The following DSCAML1 variants were observed in gnomAD, a reference collection of about 807,000 sequenced individuals.
DSCAML1 encodes the protein cell adhesion molecule DSCAML1.
A neutral mutation model predicts 200.5 loss-of-function variants in DSCAML1; 38 were observed. The ratio of observed to expected loss-of-function variants is 0.19; its 90% CI spans 0.15 to 0.25. DSCAML1 has a LOEUF of 0.25. DSCAML1 is among the 10% of genes least tolerant of loss of function. DSCAML1 has a pLI of 1.00. For synonymous variants in DSCAML1, 1,215 were observed against 1,165.0 expected (o/e 1.04, Z -0.87); for missense variants, 2,223 against 2,858.8 (o/e 0.78, Z 5.07).
chr11:117,481,036 G>A, intron 13 of DSCAML1, 138 bp downstream of exon 13: 1 of 796,930 alleles, frequency 1.3e-6, no homozygotes, highest in Admixed American at 2.3e-5. Flanking sequence ...GGTGGAGGGA[G>A]GCTTTTCCCC....
Position 117,780,935 on chromosome 11 carries a change from C to T in DSCAML1, c.47-125G>A. On this transcript the variant is annotated intron_variant, in intron 1 of 32. Transcript: ENST00000651296. The surrounding 1 kb of genome is among the most constrained non-coding windows in gnomAD (Gnocchi z 4.8). ...CTTCAAGCATCAGTCATTCAGTATG[C>T]ACTTATTGAGCACTGACTATACACC... 2.8e-6 allele frequency: 2 copies of T among 707,384 alleles called. No homozygotes were observed. The highest frequency in any genetic ancestry group is 4.2e-5 in the Admixed American group (1 of 24,070). The allele number at this position is 707,384 out of a possible 1,614,324, so 43.8% of individuals were successfully genotyped here.
chr11:117,589,441 T>G (rs1035726554), intron 3 of DSCAML1, among the ~76,000 whole-genome samples: 1 of 152,216 alleles, frequency 6.6e-6, no homozygotes, highest in Middle Eastern at 3.2e-3. Context: ...GTGTTTTCAT[T>G]AATATAAATT....
At chr11:117,528,937 C>G (rs952034018) in intron 4 of DSCAML1, among the ~76,000 whole-genome samples, 1 of 151,038 alleles carries the variant, frequency 6.6e-6, no homozygotes, top group Admixed American at 6.6e-5. Context: ...CCCCCGCCCC[C>G]CCCCTTGGGA....
chr11:117,545,407 G>T (rs1176355546), intron 3 of DSCAML1, among the ~76,000 whole-genome samples: 1 of 152,192 alleles, frequency 6.6e-6, no homozygotes, highest in East Asian at 1.9e-4. Context: ...AGAACTGTAA[G>T]AAAGAAATTT....
Position 117,769,548 on chromosome 11 carries a change from TTATA to T in DSCAML1, c.511+7239_511+7242del, listed in dbSNP as rs1410853117. On this transcript the variant is annotated intron_variant, in intron 3 of 32. Transcript: ENST00000651296. Reference sequence around the variant, plus strand: ...ATATATTTTATATATATTATATATTTTATATATATATTTTATATATATTATATAT... The same window carrying T: ...ATATATTTTATATATATTATATATTTTATATATTTTATATATATTATATAT... 8.2e-3 allele frequency among the ~76,000 whole-genome samples: 18 copies of T among 2,206 alleles called. 3 individuals carry two copies. The Admixed American group carries it at 0.17, about 21-fold the overall frequency. 1.4% of individuals were successfully genotyped at this position (2,206 alleles called of 152,430 possible).
In DSCAML1 at chr11:117,478,876, C is replaced by T. The variant is rs117850882; in HGVS notation, c.2785+1567G>A. Reference sequence around the variant, plus strand: ...TTCCTGGACAACCCCTGTTGGCTGACGCCCCTCCTTGGATCTGTAGCCCTC... The same window carrying T: ...TTCCTGGACAACCCCTGTTGGCTGATGCCCCTCCTTGGATCTGTAGCCCTC... On this transcript the variant is annotated intron_variant, in intron 14 of 32. Transcript: ENST00000651296. 3.6e-3 allele frequency among the ~76,000 whole-genome samples: 544 copies of T among 152,364 alleles called. 8 individuals are homozygous for T. Among genetic ancestry groups the T allele is most frequent in the Admixed American group, 0.023 (355 of 15,308 alleles).
intron 3 of DSCAML1, among the ~76,000 whole-genome samples, chr11:117,621,855 A>C (rs1286639675): frequency 6.6e-6 from 1 of 152,244 alleles, no homozygotes; most frequent in Non-Finnish European, 1.5e-5. Flanking sequence ...TGTTGTGGGT[A>C]AGGTATGTAG....
intron 18 of DSCAML1, among the ~76,000 whole-genome samples, chr11:117,460,155 A>G (rs1304986914): frequency 6.6e-6 from 1 of 152,254 alleles, no homozygotes; most frequent in Non-Finnish European, 1.5e-5. Context: ...GAGTTCTGGA[A>G]AACAGGGAAC....
chr11:117,597,859 T>C (rs1222317106), intron 3 of DSCAML1, among the ~76,000 whole-genome samples: 1 of 151,756 alleles, frequency 6.6e-6, no homozygotes, highest in Non-Finnish European at 1.5e-5. Context: ...TTCAGAATCA[T>C]CCAGAACTCA....
Position 117,633,131 on chromosome 11 carries a change from G to A in DSCAML1, c.512-100609C>T, listed in dbSNP as rs542765674. Among the ~76,000 whole-genome samples, 10 of 152,168 alleles carry A rather than the reference G, an allele frequency of 6.6e-5. No homozygotes were observed. In the South Asian group the frequency reaches 1.9e-3, roughly 29 times the overall value. ...TTTCTCTGTCATCTGGAATTTGGGG[G>A]TGACAACTCCACTGAGAAGGGTGGT... is the stretch of plus-strand genomic sequence containing the variant. On this transcript the variant is annotated intron_variant, in intron 3 of 32. Transcript: ENST00000651296.
In DSCAML1 at chr11:117,780,686, A is replaced by T; in HGVS notation, c.171T>A (p.Leu57=). Residue 57 remains leucine, a synonymous_variant, in exon 2 of 33, where the codon CTT becomes CTA. Coordinates refer to ENST00000651296, the MANE Select transcript of DSCAML1 (RefSeq NM_020693.4). The surrounding 1 kb of genome is among the most constrained non-coding windows in gnomAD (Gnocchi z 4.8). The part of the protein sequence containing the change: ...CPAAGSPSAA[L]RWYLATGDDI... ...CGTCCCCTGTGGCCAGGTACCATCG[A>T]AGGGCCGCGCTGGGGGAGCCCGCGG... 6.3e-7 allele frequency: 1 copy of T among 1,592,692 alleles called. No homozygotes were observed.
chr11:117,513,000 CG>C (rs1375950878), intron 8 of DSCAML1, among the ~76,000 whole-genome samples: 2 of 152,162 alleles, frequency 1.3e-5, no homozygotes, highest in Non-Finnish European at 2.9e-5. Flanking sequence ...CTCTGAGGCC[CG>C]CTGCACCCGT....
At chr11:117,622,844 G>T (rs1000007282) in intron 3 of DSCAML1, among the ~76,000 whole-genome samples, 2 of 152,108 alleles carry the variant, frequency 1.3e-5, no homozygotes, top group African/African-American at 4.8e-5. Context: ...AGGATCCTAC[G>T]GGTAACAGAT....
In DSCAML1 at chr11:117,482,203, G is replaced by A. The variant is rs760035481; in HGVS notation, c.2360-41C>T. The A allele has an allele frequency of 6.2e-6, 10 of 1,609,320 alleles. No individual in the cohort carries two copies. The East Asian group carries it at 2.2e-4, about 36-fold the overall frequency. On this transcript the variant is annotated intron_variant, in intron 11 of 32. Coordinates refer to ENST00000651296, the MANE Select transcript of DSCAML1 (RefSeq NM_020693.4). ...AGAGAAGGCCCAGTGAAGGTCGGGAGACCAGCCTGGAGGAGGCACGCGTGC... is the reference window on the plus strand; with the variant it reads ...AGAGAAGGCCCAGTGAAGGTCGGGAAACCAGCCTGGAGGAGGCACGCGTGC...
At position 117,435,696 on chromosome 11, in the gene DSCAML1, C is replaced by T. The variant is rs200395621; in HGVS notation, c.4824G>A (p.Leu1608=). 33 of 1,612,200 alleles carry T rather than the reference C, an allele frequency of 2.0e-5. No homozygotes were observed. The East Asian group carries it at 6.2e-4, about 31-fold the overall frequency. Residue 1608 remains leucine (L), a synonymous_variant, in exon 27 of 33, where the codon CTG becomes CTA. Transcript: ENST00000651296. ...PVILATLGVA[L]LFIVRKKRKE... ...TCCTCTTCTTGCGTACGATGAAGAG[C>T]AGTGCCACCCCCAGTGTGGCCAGGA...
chr11:117,514,916 C>T (rs548297355), intron 8 of DSCAML1, among the ~76,000 whole-genome samples: 106 of 152,336 alleles, frequency 7.0e-4, no homozygotes, highest in African/African-American at 2.3e-3. Context: ...CTTTCTGCCC[C>T]GAAAACTGGG....
At chr11:117,557,471 G>A (rs1026513965) in intron 3 of DSCAML1, among the ~76,000 whole-genome samples, 3 of 152,186 alleles carry the variant, frequency 2.0e-5, no homozygotes, top group East Asian at 1.9e-4. Context: ...GGTAGAAAGC[G>A]AGCCGCAGCT....
intron 3 of DSCAML1, among the ~76,000 whole-genome samples, chr11:117,612,471 C>T (rs1030006328): frequency 6.6e-6 from 1 of 152,196 alleles, no homozygotes; most frequent in African/African-American, 2.4e-5. Context: ...ACCACTAGTC[C>T]CTGCTGTGGA....
chr11:117,816,719 G>A (rs905971171), intron 1 of DSCAML1, among the ~76,000 whole-genome samples: 2 of 151,852 alleles, frequency 1.3e-5, no homozygotes, highest in African/African-American at 2.4e-5. Context: ...TTCACTAGAC[G>A]CAGCGCCAGT....
Sources: allele counts gnomAD v4.1 joint callset (sites outside exome capture counted in the v4.1 genomes callset), GRCh38; gene constraint gnomAD v4.1.1; non-coding constraint Gnocchi (gnomAD v3.1); transcripts MANE v1.5; gene names NCBI Gene and HGNC (gene_info 2026-07-23, HGNC 2026-07-21).